CDH13: variants seen among roughly 807,000 people sequenced by gnomAD.
CDH13 encodes cadherin 13.
CDH13 carries 24 observed loss-of-function variants against 63.8 expected under a neutral mutation model. The ratio of observed to expected loss-of-function variants is 0.38; its 90% CI spans 0.27 to 0.53. The LOEUF is 0.53. Ranked by LOEUF, CDH13 falls within the 20% of genes least tolerant of loss-of-function variation. CDH13 has a pLI of 0.85. For synonymous variants in CDH13, 503 were observed against 355.3 expected (o/e 1.42, Z -4.67); for missense variants, 1,049 against 903.1 (o/e 1.16, Z -2.07).
chr16:83,334,623 G>C (rs548601397), intron 5 of CDH13, among the ~76,000 whole-genome samples: 1 of 151,514 alleles, frequency 6.6e-6, no homozygotes, highest in African/African-American at 2.4e-5. Flanking sequence ...CATTCCTCCC[G>C]CCTTAGCCCT....
At chr16:82,941,271 G>A (rs182774252) in intron 2 of CDH13, among the ~76,000 whole-genome samples, 2 of 152,314 alleles carry the variant, frequency 1.3e-5, no homozygotes, top group East Asian at 3.9e-4. Flanking sequence ...AGAGAGCAAT[G>A]AAAATATGTT....
rs148922730 is a variant in CDH13, at chr16:83,425,193, G to A, written c.782-61284G>A. On this transcript the variant is annotated intron_variant, in intron 6 of 13. Transcript: ENST00000567109. Reference sequence around the variant, plus strand: ...TTAACCTGAATGGAACAGCTGGAACGTAAATTGGAAGGAGGAGTGATGATT... The same window carrying A: ...TTAACCTGAATGGAACAGCTGGAACATAAATTGGAAGGAGGAGTGATGATT... Among the ~76,000 whole-genome samples the A allele has an allele frequency of 3.5e-4, 53 of 152,326 alleles. 1 individual carries two copies. The highest frequency in any genetic ancestry group is 6.8e-4 in the Non-Finnish European group (46 of 68,036).
intron 4 of CDH13, among the ~76,000 whole-genome samples, chr16:83,136,804 G>A (rs16959367): frequency 0.021 from 3,235 of 152,242 alleles, 218 homozygotes; most frequent in Admixed American, 0.14. Context: ...TCCCAGATTC[G>A]TAGGAGTGGT....
At chr16:83,438,620 A>G (rs540925517) in intron 6 of CDH13, among the ~76,000 whole-genome samples, 9 of 152,334 alleles carry the variant, frequency 5.9e-5, no homozygotes, top group Middle Eastern at 3.4e-3. Flanking sequence ...AAAAAGCAAT[A>G]ATACAAAATA....
chr16:82,755,614 A>G (rs1306180786), intron 1 of CDH13, among the ~76,000 whole-genome samples: 1 of 152,162 alleles, frequency 6.6e-6, no homozygotes, highest in African/African-American at 2.4e-5. Context: ...CTGTTCATTT[A>G]TTCAGTCCAT....
chr16:82,859,997 G>A (rs1023515521), intron 2 of CDH13, among the ~76,000 whole-genome samples: 6 of 152,070 alleles, frequency 3.9e-5, no homozygotes, highest in African/African-American at 1.4e-4. Flanking sequence ...GTGACTCCTG[G>A]GTCAGGCCAT....
At chr16:82,980,535 A>AT in intron 2 of CDH13, among the ~76,000 whole-genome samples, 1 of 152,310 alleles carries the variant, frequency 6.6e-6, no homozygotes, top group Non-Finnish European at 1.5e-5. Flanking sequence ...TGCAAATGTG[A>AT]TTTTTTTGAA....
intron 6 of CDH13, among the ~76,000 whole-genome samples, chr16:83,416,954 G>C (rs2071568435): frequency 2.0e-5 from 3 of 152,148 alleles, no homozygotes; most frequent in South Asian, 4.1e-4. Context: ...GTTAAGTACT[G>C]TTTAGCTATC....
intron 3 of CDH13, among the ~76,000 whole-genome samples, chr16:83,104,799 A>T (rs2034684363): frequency 6.6e-6 from 1 of 152,202 alleles, no homozygotes; most frequent in South Asian, 2.1e-4. Context: ...GTTTGCAGCC[A>T]TAACATTATG....
chr16:82,951,831 G>A (rs527760754), intron 2 of CDH13, among the ~76,000 whole-genome samples: 2 of 152,304 alleles, frequency 1.3e-5, no homozygotes, highest in African/African-American at 4.8e-5. Flanking sequence ...TGGGAATCAG[G>A]AGGCTCAGTA....
In CDH13 at chr16:83,506,019, A is replaced by C. The variant is rs8061791; in HGVS notation, c.960+19364A>C. 2.4e-3 allele frequency among the ~76,000 whole-genome samples: 373 copies of C among 152,334 alleles called. 1 individual carries two copies. The highest frequency in any genetic ancestry group is 8.6e-3 in the African/African-American group (357 of 41,570). On this transcript the variant is annotated intron_variant, in intron 7 of 13. Coordinates refer to ENST00000567109, the MANE Select transcript of CDH13 (RefSeq NM_001257.5). ...ACTTTCCAAGTTCACACATTCAGGG[A>C]ATGGGTAGAAGTGGAATTCACACCC...
intron 2 of CDH13, among the ~76,000 whole-genome samples, chr16:83,028,974 C>T (rs921918544): frequency 6.6e-6 from 1 of 152,144 alleles, no homozygotes. Context: ...CATTTACAAC[C>T]TGTGTGTACT....
intron 3 of CDH13, among the ~76,000 whole-genome samples, chr16:83,118,672 C>T (rs1306194618): frequency 6.6e-6 from 1 of 152,110 alleles, no homozygotes; most frequent in Non-Finnish European, 1.5e-5. Context: ...TTAGAGAGTG[C>T]AGACCACTTT....
chr16:83,583,574 G>C (rs1003755373), intron 7 of CDH13, among the ~76,000 whole-genome samples: 2 of 152,186 alleles, frequency 1.3e-5, no homozygotes, highest in Non-Finnish European at 2.9e-5. Context: ...TAGTGATGGA[G>C]GGAAGGTAAG....
chr16:83,429,846 G>C (rs541036362), intron 6 of CDH13, among the ~76,000 whole-genome samples: 35 of 152,232 alleles, frequency 2.3e-4, no homozygotes, highest in Middle Eastern at 3.4e-3. Context: ...CCATTATTGT[G>C]TACACAAGCT....
chr16:83,509,524 C>G (rs1421968561), intron 7 of CDH13, among the ~76,000 whole-genome samples: 1 of 152,088 alleles, frequency 6.6e-6, no homozygotes, highest in Non-Finnish European at 1.5e-5. Context: ...ACTTTATTTA[C>G]AAAAGCAGAT....
chr16:83,306,161 C>G (rs531686431), intron 5 of CDH13, among the ~76,000 whole-genome samples: 5 of 152,296 alleles, frequency 3.3e-5, no homozygotes, highest in South Asian at 2.1e-4. Flanking sequence ...GGGGAGCTAA[C>G]GTTGTCACTG....
At chr16:82,980,670 T>A (rs969693631) in intron 2 of CDH13, among the ~76,000 whole-genome samples, 1 of 152,088 alleles carries the variant, frequency 6.6e-6, no homozygotes, top group Non-Finnish European at 1.5e-5. Flanking sequence ...ACTTTAAAGA[T>A]TTTGGTGACA....
At chr16:83,134,331 A>G (rs1231647176) in intron 4 of CDH13, among the ~76,000 whole-genome samples, 1 of 152,092 alleles carries the variant, frequency 6.6e-6, no homozygotes, top group Non-Finnish European at 1.5e-5. Flanking sequence ...CTGGGATTAC[A>G]GGCGCCCGCC....
Sources: gnomAD v4.1 joint callset for allele counts (sites outside exome capture counted in the v4.1 genomes callset) on GRCh38, gnomAD v4.1.1 for gene constraint, MANE v1.5 for transcripts, NCBI Gene and HGNC (gene_info 2026-07-23, HGNC 2026-07-21) for gene names.